THRB: variants seen among roughly 807,000 people sequenced by gnomAD.
THRB encodes the protein nuclear receptor subfamily 1 group A member 2.
In THRB, 12 loss-of-function variants were observed where a neutral mutation model predicts 47.8. That is an observed-to-expected ratio of 0.25 (90% CI 0.16 to 0.41). THRB has a LOEUF of 0.41. THRB is among the 10% of genes least tolerant of loss of function. THRB has a pLI of 1.00. For synonymous variants in THRB, 218 were observed against 212.2 expected, an observed-to-expected ratio of 1.03 and a Z score of -0.24; for missense variants, 348 against 589.2, an observed-to-expected ratio of 0.59 and a Z score of 4.24.
intron 1 of THRB, among the ~76,000 whole-genome samples, chr3:24,482,366 CAA>C (rs1039235705): frequency 2.0e-5 from 3 of 152,148 alleles, no homozygotes; most frequent in African/African-American, 7.2e-5. Flanking sequence ...GATTGAAGTT[CAA>C]AGAGATTAAA....
chr3:24,382,935 A>G (rs750369690), intron 1 of THRB, among the ~76,000 whole-genome samples: 12 of 152,042 alleles, frequency 7.9e-5, no homozygotes, highest in Non-Finnish European at 7.4e-5. Flanking sequence ...TGAATGAGCT[A>G]TGGTCCTGCT....
At chr3:24,333,646 G>A (rs1576919500) in intron 2 of THRB, among the ~76,000 whole-genome samples, 1 of 152,212 alleles carries the variant, frequency 6.6e-6, no homozygotes, top group African/African-American at 2.4e-5. Context: ...GCAAAGCACA[G>A]TATGTGTGGG....
intron 4 of THRB, among the ~76,000 whole-genome samples, chr3:24,223,287 A>G (rs981911861): frequency 2.6e-4 from 39 of 152,184 alleles, no homozygotes; most frequent in African/African-American, 8.9e-4. Flanking sequence ...AAAAATCCTC[A>G]ACCTTAAGCA....
intron 1 of THRB, chr3:24,494,100 C>G (rs975830541): frequency 6.5e-6 from 1 of 152,722 alleles, no homozygotes; most frequent in Non-Finnish European, 1.5e-5. Context: ...CGCCAGGCAC[C>G]GGCCACGGCG....
chr3:24,160,597 G>A (rs1161431301), intron 5 of THRB, among the ~76,000 whole-genome samples: 4 of 152,272 alleles, frequency 2.6e-5, no homozygotes, highest in East Asian at 1.9e-4. Context: ...CAAGGACAGC[G>A]CACGGGAAGG....
intron 6 of THRB, among the ~76,000 whole-genome samples, chr3:24,147,228 C>T (rs113572166): frequency 6.6e-6 from 1 of 151,898 alleles, no homozygotes; most frequent in Non-Finnish European, 1.5e-5. Context: ...AAGAGAGCTC[C>T]AAGACCAAGA....
chr3:24,247,363 C>T (rs187188780), intron 3 of THRB, among the ~76,000 whole-genome samples: 2 of 152,268 alleles, frequency 1.3e-5, no homozygotes, highest in Admixed American at 6.5e-5. Context: ...TTCTAGGGAA[C>T]CTGCTAAGGA....
intron 1 of THRB, among the ~76,000 whole-genome samples, chr3:24,343,909 T>A (rs1415182517): frequency 6.9e-6 from 1 of 144,504 alleles, no homozygotes; most frequent in South Asian, 2.1e-4. Context: ...ATATATATAT[T>A]TATTTATATA....
intron 1 of THRB, among the ~76,000 whole-genome samples, chr3:24,482,132 C>A (rs1370590037): frequency 6.6e-6 from 1 of 152,114 alleles, no homozygotes; most frequent in African/African-American, 2.4e-5. Context: ...GATTTCCTGC[C>A]TTTTGGACAA....
chr3:24,415,137 A>G (rs1413793618), intron 1 of THRB, among the ~76,000 whole-genome samples: 1 of 151,770 alleles, frequency 6.6e-6, no homozygotes, highest in African/African-American at 2.4e-5. Context: ...ATCCCATTAT[A>G]AAAGATTCAG....
chr3:24,482,512 G>T lies in THRB; in HGVS notation c.-261+12140C>A, dbSNP rs79041870. On this transcript the variant is annotated intron_variant, in intron 1 of 10. Transcript: ENST00000646209. ...CATTCATTCATTCATTCATTCATTC[G>T]TTCTTTCTTTCTTTCTTTCTGTCTC... Among the ~76,000 whole-genome samples, 239 of 136,646 alleles carry T rather than the reference G, an allele frequency of 1.7e-3. 3 individuals are homozygous for T. The South Asian group carries it at 0.033, about 19-fold the overall frequency. The allele number at this position is 136,646 out of a possible 152,430, so 89.6% of individuals were successfully genotyped here. A position where few individuals can be genotyped will look rare whatever the true frequency, so the allele number is the denominator to read the frequency against.
rs1407348819 is a variant in THRB, at chr3:24,205,973, T to C, written c.23-15639A>G. Among the ~76,000 whole-genome samples, 15 of 152,264 alleles carry C rather than the reference T, an allele frequency of 9.9e-5. No homozygotes were observed. The South Asian group carries it at 2.3e-3, about 23-fold the overall frequency. Reference sequence around the variant, plus strand: ...TAACTATCCTAAATATATATGCACCTAATACAGGAGCACCCAGATTCACAA... The same window carrying C: ...TAACTATCCTAAATATATATGCACCCAATACAGGAGCACCCAGATTCACAA... On this transcript the variant is annotated intron_variant, in intron 4 of 10. Coordinates refer to ENST00000646209, the MANE Select transcript of THRB (RefSeq NM_001354712.2).
At chr3:24,394,403 C>T (rs2066798447) in intron 1 of THRB, among the ~76,000 whole-genome samples, 1 of 152,100 alleles carries the variant, frequency 6.6e-6, no homozygotes, top group East Asian at 1.9e-4. Flanking sequence ...GACTTGGGCT[C>T]TCCATCTGGT....
intron 8 of THRB, among the ~76,000 whole-genome samples, chr3:24,134,907 T>C (rs1240716893): frequency 6.6e-6 from 1 of 152,052 alleles, no homozygotes; most frequent in Non-Finnish European, 1.5e-5. Context: ...ATGAGCAAAA[T>C]AGAATTCCTC....
intron 1 of THRB, chr3:24,457,988 G>C (rs1480526688): frequency 6.6e-6 from 1 of 152,158 alleles, no homozygotes; most frequent in Non-Finnish European, 1.5e-5. Flanking sequence ...TGGGCATCTT[G>C]TTAAATGAAG....
intron 5 of THRB, among the ~76,000 whole-genome samples, chr3:24,163,337 T>A (rs2149264672): frequency 6.6e-6 from 1 of 152,330 alleles, no homozygotes; most frequent in South Asian, 2.1e-4. Context: ...ATGCATACAA[T>A]GTGTCTTTTC....
intron 9 of THRB, among the ~76,000 whole-genome samples, chr3:24,130,652 G>C (rs1002341604): frequency 3.9e-5 from 6 of 152,158 alleles, no homozygotes; most frequent in Admixed American, 2.6e-4. Context: ...GCCAGAACTG[G>C]CAAGAGTGAG....
intron 6 of THRB, among the ~76,000 whole-genome samples, chr3:24,150,211 A>G (rs924253467): frequency 7.2e-5 from 11 of 152,216 alleles, no homozygotes; most frequent in Non-Finnish European, 1.3e-4. Flanking sequence ...ACTGGCAAAA[A>G]GGATTCTCTC....
chr3:24,174,356 T>A (rs1380369166), intron 5 of THRB, among the ~76,000 whole-genome samples: 2 of 152,194 alleles, frequency 1.3e-5, no homozygotes, highest in East Asian at 3.9e-4. Flanking sequence ...AAGGGCCAAC[T>A]ATTCTATGCT....
Sources: gnomAD v4.1 joint callset for allele counts (sites outside exome capture counted in the v4.1 genomes callset) on GRCh38, gnomAD v4.1.1 for gene constraint, MANE v1.5 for transcripts, NCBI Gene and HGNC (gene_info 2026-07-23, HGNC 2026-07-21) for gene names.